MEIS1: variants seen among roughly 807,000 people sequenced by gnomAD.
MEIS1 encodes Meis homeobox 1.
In MEIS1, 5 loss-of-function variants were observed where a neutral mutation model predicts 50.8. That is an observed-to-expected ratio of 0.10 (90% CI 0.05 to 0.21). MEIS1 has a LOEUF of 0.21. Ranked by LOEUF, MEIS1 falls within the 10% of genes least tolerant of loss-of-function variation. The pLI, the probability that MEIS1 is intolerant of heterozygous loss-of-function variation, is 1.00. For synonymous variants in MEIS1, 176 were observed against 179.3 expected (o/e 0.98, Z 0.15); for missense variants, 318 against 517.3 (o/e 0.61, Z 3.74).
intron 6 of MEIS1, among the ~76,000 whole-genome samples, chr2:66,444,123 T>C (rs1672070701): frequency 6.6e-6 from 1 of 152,108 alleles, no homozygotes; most frequent in Non-Finnish European, 1.5e-5. Context: ...CGTTGCGAAT[T>C]GTTGCAAGGC....
chr2:66,497,097 G>T (rs1673424654), intron 7 of MEIS1, among the ~76,000 whole-genome samples: 1 of 152,150 alleles, frequency 6.6e-6, no homozygotes, highest in East Asian at 1.9e-4. Flanking sequence ...ACATGTGCTG[G>T]CTGTGGAGAG....
chr2:66,478,676 G>A (rs1016318333), intron 7 of MEIS1, among the ~76,000 whole-genome samples: 1 of 152,164 alleles, frequency 6.6e-6, no homozygotes, highest in Non-Finnish European at 1.5e-5. Flanking sequence ...TTTGAATGTA[G>A]CAACCATGCT....
chr2:66,562,028 T>A (rs990841619), intron 9 of MEIS1: 3 of 138,526 alleles, frequency 2.2e-5, no homozygotes, highest in African/African-American at 8.0e-5. Context: ...TTTCTGAAAG[T>A]GAGCAAGTAA....
At chr2:66,438,630 C>T (rs549942676) in intron 2 of MEIS1, among the ~76,000 whole-genome samples, 16 of 152,290 alleles carry the variant, frequency 1.1e-4, no homozygotes, top group African/African-American at 2.9e-4. Flanking sequence ...GGGTGCTCTT[C>T]CTCGGAGGTT....
intron 7 of MEIS1, among the ~76,000 whole-genome samples, chr2:66,493,451 G>C (rs1262343530): frequency 6.6e-6 from 1 of 152,004 alleles, no homozygotes; most frequent in Non-Finnish European, 1.5e-5. Flanking sequence ...TAAGGACTGA[G>C]GAATTTAAGA....
intron 9 of MEIS1, among the ~76,000 whole-genome samples, chr2:66,557,537 G>A (rs1253772343): frequency 1.3e-5 from 2 of 152,148 alleles, no homozygotes; most frequent in Admixed American, 6.5e-5. Flanking sequence ...GGAATACGTG[G>A]TATTTTGAGA....
intron 8 of MEIS1, among the ~76,000 whole-genome samples, chr2:66,544,850 A>G (rs922412003): frequency 6.6e-6 from 1 of 152,172 alleles, no homozygotes; most frequent in Admixed American, 6.5e-5. Context: ...CAGAAACTAT[A>G]TGATGTGAAG....
chr2:66,495,054 A>C (rs941459072), intron 7 of MEIS1, among the ~76,000 whole-genome samples: 4 of 147,544 alleles, frequency 2.7e-5, no homozygotes, highest in South Asian at 2.2e-4. Flanking sequence ...GCACAGATTC[A>C]GAATGCCCAC....
chr2:66,442,729 G>C (rs969032372), intron 5 of MEIS1, 173 bp from the exon 6 acceptor site: 2 of 583,474 alleles, frequency 3.4e-6, no homozygotes, highest in Non-Finnish European at 5.8e-6. Flanking sequence ...TATTTTGCAA[G>C]AAAAGAAAGT....
rs764982672 is a variant in MEIS1, at chr2:66,441,369, C to A, written c.433-45C>A. The A allele has an allele frequency of 1.6e-5, 24 of 1,516,090 alleles. 1 individual carries two copies. In the South Asian group the frequency reaches 2.7e-4, roughly 17 times the overall value. 93.9% of individuals were successfully genotyped at this position (1,516,090 alleles called of 1,614,324 possible). ...TGGTAGAGCTGTGGCAGCCAGTTTT[C>A]TGCAAGCCAGGAATGGGGTGCTTAT... On this transcript the variant is annotated intron_variant, in intron 4 of 12. Coordinates refer to ENST00000272369, the MANE Select transcript of MEIS1 (RefSeq NM_002398.3).
At position 66,498,796 on chromosome 2, in the gene MEIS1, C is replaced by T. The variant is rs564965126; in HGVS notation, c.743-13353C>T. ...TTCTCCAGAACCTTGTTAAGATGCA[C>T]AGTGTGGTCCTTGGACTGGCAGTGT... On this transcript the variant is annotated intron_variant, in intron 7 of 12. Transcript: ENST00000272369. Among the ~76,000 whole-genome samples, 9 of 152,256 alleles carry T rather than the reference C, an allele frequency of 5.9e-5. No homozygotes were observed. The South Asian group carries it at 1.7e-3, about 28-fold the overall frequency.
chr2:66,542,345 A>G (rs950996418), intron 8 of MEIS1, among the ~76,000 whole-genome samples: 59 of 152,268 alleles, frequency 3.9e-4, no homozygotes, highest in African/African-American at 1.4e-3. Context: ...CTCAAGGTCA[A>G]CTTATATTAA....
intron 8 of MEIS1, among the ~76,000 whole-genome samples, chr2:66,530,937 C>T (rs1674376604): frequency 6.6e-6 from 1 of 152,184 alleles, no homozygotes; most frequent in South Asian, 2.1e-4. Context: ...GTGAGTTCAA[C>T]AAAAACCATG....
chr2:66,541,546 T>G (rs1331273233), intron 8 of MEIS1, among the ~76,000 whole-genome samples: 1 of 152,226 alleles, frequency 6.6e-6, no homozygotes, highest in East Asian at 1.9e-4. Flanking sequence ...TTCTTTTAAC[T>G]GCTGTTGGAT....
chr2:66,558,107 C>T (rs913831428), intron 9 of MEIS1, among the ~76,000 whole-genome samples: 3 of 151,800 alleles, frequency 2.0e-5, no homozygotes, highest in African/African-American at 7.3e-5. Flanking sequence ...TAGAAAAACC[C>T]CGTCTCTACT....
intron 7 of MEIS1, among the ~76,000 whole-genome samples, chr2:66,499,909 T>C (rs1387418246): frequency 6.6e-6 from 1 of 152,130 alleles, no homozygotes; most frequent in Admixed American, 6.5e-5. Flanking sequence ...GACATATGAG[T>C]TTATGCACTG....
chr2:66,520,837 G>A (rs1366839208), intron 8 of MEIS1, among the ~76,000 whole-genome samples: 2 of 152,170 alleles, frequency 1.3e-5, no homozygotes, highest in East Asian at 1.9e-4. Context: ...GATCAAAAGC[G>A]AGGAACTGGC....
chr2:66,532,867 T>C (rs912920421), intron 8 of MEIS1, among the ~76,000 whole-genome samples: 1 of 152,102 alleles, frequency 6.6e-6, no homozygotes, highest in South Asian at 2.1e-4. Flanking sequence ...TTAGTCTGCA[T>C]ATATATATAT....
rs1674830731 is a variant in MEIS1 at position 66,547,940 on chromosome 2, C to T, written c.889-3C>T. The T allele has an allele frequency of 7.4e-6, 12 of 1,612,940 alleles. No homozygotes were observed. Among genetic ancestry groups the T allele is most frequent in the Non-Finnish European group, 1.0e-5 (12 of 1,179,168 alleles). On this transcript the variant is annotated splice_polypyrimidine_tract_variant and splice_region_variant and intron_variant, in intron 8 of 12. Transcript: ENST00000272369. ...CACACGTATCTTTTTTATTCTCTTT[C>T]AGCACCCTTACCCTTCTGAAGAACA... is the stretch of plus-strand genomic sequence containing the variant.
Sources: gnomAD v4.1 joint callset for allele counts (sites outside exome capture counted in the v4.1 genomes callset) on GRCh38, gnomAD v4.1.1 for gene constraint, MANE v1.5 for transcripts, NCBI Gene and HGNC (gene_info 2026-07-23, HGNC 2026-07-21) for gene names.